CADM2: variants seen among roughly 807,000 people sequenced by gnomAD.
CADM2 encodes immunoglobulin superfamily member 4D.
CADM2 carries 12 observed loss-of-function variants against 49.8 expected under a neutral mutation model. The observed-to-expected ratio is 0.24, with a 90% CI of 0.15 to 0.39. The LOEUF (loss-of-function observed/expected upper bound fraction) is 0.39. CADM2 is among the 10% of genes least tolerant of loss of function. The pLI is 1.00. For synonymous variants in CADM2, 214 were observed against 175.4 expected, an observed-to-expected ratio of 1.22 and a Z score of -1.74; for missense variants, 378 against 492.3, an observed-to-expected ratio of 0.77 and a Z score of 2.20.
At chr3:85,641,090 A>G (rs1353098684) in intron 1 of CADM2, among the ~76,000 whole-genome samples, 1 of 152,190 alleles carries the variant, frequency 6.6e-6, no homozygotes, top group Non-Finnish European at 1.5e-5. Flanking sequence ...TTTAAGTTAG[A>G]ACTTCTACCA....
At chr3:85,336,313 G>T (rs1164041481) in intron 1 of CADM2, among the ~76,000 whole-genome samples, 1 of 151,368 alleles carries the variant, frequency 6.6e-6, no homozygotes, top group African/African-American at 2.4e-5. Flanking sequence ...TTGTGGATAT[G>T]AACAAAAGCT....
intron 1 of CADM2, among the ~76,000 whole-genome samples, chr3:85,372,570 G>C (rs2033328914): frequency 6.6e-6 from 1 of 151,926 alleles, no homozygotes; most frequent in Admixed American, 6.6e-5. Flanking sequence ...AATTAATTTA[G>C]ACTGTGTTAT....
intron 1 of CADM2, among the ~76,000 whole-genome samples, chr3:85,258,932 G>A (rs1215736453): frequency 6.6e-6 from 1 of 152,124 alleles, no homozygotes; most frequent in African/African-American, 2.4e-5. Context: ...TGAAAGCAGT[G>A]AAGTGTGGAA....
At chr3:85,377,904 G>A (rs1198921461) in intron 1 of CADM2, among the ~76,000 whole-genome samples, 1 of 151,980 alleles carries the variant, frequency 6.6e-6, no homozygotes, top group Admixed American at 6.6e-5. Context: ...AGATTTATTT[G>A]AGAATTTGAG....
intron 1 of CADM2, among the ~76,000 whole-genome samples, chr3:85,333,767 A>G (rs2107162104): frequency 6.6e-6 from 1 of 151,870 alleles, no homozygotes; most frequent in South Asian, 2.1e-4. Flanking sequence ...ACCATATTAT[A>G]GAGGCTTATC....
chr3:85,460,733 G>GGGGTGTGT (rs1553726077), intron 1 of CADM2, among the ~76,000 whole-genome samples: 1 of 149,068 alleles, frequency 6.7e-6, no homozygotes, highest in East Asian at 2.0e-4. Context: ...TGGGAGATGT[G>GGGGTGTGT]GTGTGTGTGT....
At chr3:85,451,063 C>G (rs1396029533) in intron 1 of CADM2, among the ~76,000 whole-genome samples, 1 of 151,872 alleles carries the variant, frequency 6.6e-6, no homozygotes, top group Non-Finnish European at 1.5e-5. Flanking sequence ...ACTTACAAAC[C>G]AGGTAGATAA....
chr3:85,515,248 G>T (rs1393922818), intron 1 of CADM2, among the ~76,000 whole-genome samples: 2 of 152,108 alleles, frequency 1.3e-5, no homozygotes, highest in Non-Finnish European at 2.9e-5. Flanking sequence ...TTGAGAAAGA[G>T]AATAAGATCA....
rs180760032 is a variant in CADM2, at chr3:85,308,934, G to A, written c.61+349266G>A. On this transcript the variant is annotated intron_variant, in intron 1 of 9. Transcript: ENST00000383699. ...AGGGTAGGAAAAAATTATTTTTATAGTCAGTTAAATCATTTGACAACGGAC... is the reference window on the plus strand; with the variant it reads ...AGGGTAGGAAAAAATTATTTTTATAATCAGTTAAATCATTTGACAACGGAC... Among the ~76,000 whole-genome samples the A allele has an allele frequency of 1.8e-3, 273 of 152,124 alleles. 1 individual carries two copies. The highest frequency in any genetic ancestry group is 6.3e-3 in the African/African-American group (263 of 41,520).
At chr3:86,066,446 C>T (rs1353418526) in intron 9 of CADM2, among the ~76,000 whole-genome samples, 1 of 150,520 alleles carries the variant, frequency 6.6e-6, no homozygotes, top group Non-Finnish European at 1.5e-5. Context: ...ACTTATTACC[C>T]ATTTCAGTTT....
At chr3:85,483,817 C>T (rs2039310029) in intron 1 of CADM2, among the ~76,000 whole-genome samples, 1 of 151,252 alleles carries the variant, frequency 6.6e-6, no homozygotes, top group South Asian at 2.1e-4. Flanking sequence ...CATATTGTTA[C>T]TTTTAAAGGT....
intron 1 of CADM2, among the ~76,000 whole-genome samples, chr3:85,080,508 A>G (rs2037122054): frequency 6.6e-6 from 1 of 152,092 alleles, no homozygotes; most frequent in Non-Finnish European, 1.5e-5. Flanking sequence ...CAGAGACATT[A>G]GCAACATTAA....
chr3:85,651,410 A>G (rs1219166771), intron 1 of CADM2, among the ~76,000 whole-genome samples: 4 of 152,154 alleles, frequency 2.6e-5, no homozygotes, highest in Non-Finnish European at 5.9e-5. Context: ...AGGATTGTAT[A>G]ACAGTTGTTT....
At chr3:85,833,876 G>GT (rs1031224522) in intron 3 of CADM2, among the ~76,000 whole-genome samples, 12 of 151,376 alleles carry the variant, frequency 7.9e-5, no homozygotes, top group Admixed American at 2.0e-4. Flanking sequence ...TGATATTTAG[G>GT]TTTTTTTCCA....
At chr3:85,486,136 A>G (rs544779116) in intron 1 of CADM2, among the ~76,000 whole-genome samples, 20 of 152,266 alleles carry the variant, frequency 1.3e-4, no homozygotes, top group Admixed American at 1.3e-3. Flanking sequence ...TTTATATTGC[A>G]AAGTATTTAA....
chr3:85,096,527 T>C (rs1259399527), intron 1 of CADM2, among the ~76,000 whole-genome samples: 1 of 152,190 alleles, frequency 6.6e-6, no homozygotes, highest in East Asian at 1.9e-4. Flanking sequence ...ATTTGATTTA[T>C]AAGTTTGGGT....
intron 3 of CADM2, among the ~76,000 whole-genome samples, chr3:85,833,404 A>T (rs1025746230): frequency 4.0e-5 from 6 of 151,682 alleles, no homozygotes; most frequent in South Asian, 4.1e-4. Context: ...TTTCAGTAGG[A>T]TTGGTAACAG....
At chr3:85,755,630 A>T (rs778243072) in intron 2 of CADM2, among the ~76,000 whole-genome samples, 1 of 152,096 alleles carries the variant, frequency 6.6e-6, no homozygotes, top group Non-Finnish European at 1.5e-5. Flanking sequence ...GCCTCAGGAA[A>T]CTCAATCATG....
chr3:85,147,275 CAAAAAAAAAAAAAAA>C (rs759888985), intron 1 of CADM2, among the ~76,000 whole-genome samples: 1 of 45,964 alleles, frequency 2.2e-5, no homozygotes, highest in African/African-American at 5.0e-5. Flanking sequence ...GACTCTGTCT[CAAAAAAAAAAAAAAA>C]AAAAAAAAAA....
Sources: gnomAD v4.1 joint callset for allele counts (sites outside exome capture counted in the v4.1 genomes callset) on GRCh38, gnomAD v4.1.1 for gene constraint, MANE v1.5 for transcripts, NCBI Gene and HGNC (gene_info 2026-07-23, HGNC 2026-07-21) for gene names.